NETO2: variants seen among roughly 807,000 people sequenced by gnomAD.
The protein encoded by NETO2 is neuropilin and tolloid-like protein 2.
Under a neutral mutation model 62.5 loss-of-function variants are expected in NETO2, and 28 were observed. That is an observed-to-expected ratio of 0.45 (90% CI 0.33 to 0.61). NETO2 has a LOEUF of 0.61. Among genes scored for constraint, NETO2 ranks in the 20% least tolerant of loss-of-function variants. The probability of loss-of-function intolerance (pLI) is 0.02; values close to 1 mark genes in which losing one functional copy is unlikely to be tolerated. For synonymous variants in NETO2, 214 were observed against 219.1 expected (o/e 0.98, Z 0.21); for missense variants, 548 against 643.2 (o/e 0.85, Z 1.60).
chr16:47,109,415 G>A, intron 7 of NETO2, 68 bp downstream of exon 7: 1 of 1,007,626 alleles, frequency 9.9e-7, no homozygotes, highest in Non-Finnish European at 1.4e-6. Context: ...AAAAGTAAAT[G>A]CTGAGTGTAC....
intron 7 of NETO2, among the ~76,000 whole-genome samples, chr16:47,104,244 C>G (rs1246164823): frequency 1.3e-5 from 2 of 151,748 alleles, no homozygotes; most frequent in African/African-American, 4.8e-5. Flanking sequence ...TGCCAATTAA[C>G]AATTAGAAAA....
intron 1 of NETO2, among the ~76,000 whole-genome samples, chr16:47,138,267 GCA>G (rs1964397993): frequency 6.6e-6 from 1 of 152,148 alleles, no homozygotes; most frequent in African/African-American, 2.4e-5. Context: ...GGGCATGGTG[GCA>G]CACGCCTGTA....
At chr16:47,143,522 G>A in intron 1 of NETO2, 57 bp downstream of exon 1, 2 of 1,217,772 alleles carry the variant, frequency 1.6e-6, no homozygotes, top group Non-Finnish European at 2.0e-6. Flanking sequence ...GGGCAGGGCG[G>A]CGCGCCAGCC....
intron 7 of NETO2, among the ~76,000 whole-genome samples, chr16:47,088,915 C>A (rs1036363000): frequency 1.3e-5 from 2 of 152,160 alleles, no homozygotes; most frequent in Non-Finnish European, 2.9e-5. Flanking sequence ...AAAACATAAT[C>A]TGACAAATGT....
intron 6 of NETO2, among the ~76,000 whole-genome samples, chr16:47,113,127 A>G (rs1963837116): frequency 6.6e-6 from 1 of 152,240 alleles, no homozygotes; most frequent in Non-Finnish European, 1.5e-5. Flanking sequence ...CTTGTGTAGT[A>G]GCATGTGACC....
chr16:47,119,297 G>A (rs1471818578), intron 6 of NETO2, among the ~76,000 whole-genome samples: 7 of 151,550 alleles, frequency 4.6e-5, no homozygotes, highest in East Asian at 1.9e-4. Flanking sequence ...GACTACAGGC[G>A]CCCGCCACCA....
rs74876645 is a variant in NETO2 at position 47,132,741 on chromosome 16, C to A, written c.35-716G>T. Among the ~76,000 whole-genome samples the A allele has an allele frequency of 1.0e-3, 156 of 152,340 alleles. 1 individual carries two copies. The East Asian group carries it at 0.019, about 19-fold the overall frequency. ...AGCCTGTCCCGAACTACTGCGTGAA[C>A]TGGAGTTATTCATTCAGTGAATAGG... is the stretch of plus-strand genomic sequence containing the variant. On this transcript the variant is annotated intron_variant, in intron 1 of 8. Coordinates refer to ENST00000562435, the MANE Select transcript of NETO2 (RefSeq NM_018092.5).
At chr16:47,090,454 T>G (rs1412555880) in intron 7 of NETO2, among the ~76,000 whole-genome samples, 1 of 152,244 alleles carries the variant, frequency 6.6e-6, no homozygotes, top group Non-Finnish European at 1.5e-5. Flanking sequence ...GATTGAACTA[T>G]AAGTCTTTAT....
At chr16:47,139,245 T>A (rs1025944303) in intron 1 of NETO2, among the ~76,000 whole-genome samples, 1 of 152,068 alleles carries the variant, frequency 6.6e-6, no homozygotes, top group Non-Finnish European at 1.5e-5. Context: ...CGCAAACACA[T>A]AGCACAGTAA....
In NETO2 at chr16:47,082,852, G is replaced by C. The variant is rs1963096135; in HGVS notation, c.*369C>G. On this transcript the variant is annotated 3_prime_UTR_variant, in exon 9 of 9. Coordinates refer to ENST00000562435, the MANE Select transcript of NETO2 (RefSeq NM_018092.5). ...TGTAAAGAAAAATCAAGTTTATTGT[G>C]GCATCAAAATATTGACAGAGCTGTT... 1.1e-5 allele frequency: 2 copies of C among 185,630 alleles called. No individual in the cohort carries two copies. Among genetic ancestry groups the C allele is most frequent in the African/African-American group, 4.7e-5 (2 of 42,796 alleles). 11.5% of individuals were successfully genotyped at this position (185,630 alleles called of 1,614,324 possible).
chr16:47,083,231 A>G lies in NETO2; in HGVS notation c.1568T>C (p.Ile523Thr), dbSNP rs762067120. ...REDSAQASIS[I>T]DF ...ACCATTAGCAGAAGATTAGAAGTCA[A>G]TGGATATGGATGCTTGTGCAGAATC... The change falls in exon 9 of 9, where the codon ATT becomes ACT. Residue 523 changes from isoleucine (I) to threonine (T), a missense_variant. By Grantham distance (89) the Ile-to-Thr change is moderately conservative. Coordinates refer to ENST00000562435, the MANE Select transcript of NETO2 (RefSeq NM_018092.5). 1 of 1,608,484 alleles carries G rather than the reference A, an allele frequency of 6.2e-7. No homozygotes were observed. The highest frequency in any genetic ancestry group is 1.1e-5 in the South Asian group (1 of 90,414).
rs1963189700 is a variant in NETO2, at chr16:47,086,347, A to G, written c.884-8T>C. On this transcript the variant is annotated splice_polypyrimidine_tract_variant and splice_region_variant and intron_variant, in intron 7 of 8. Transcript: ENST00000562435. ...TGCTGCTTGTGCAGGGAGCTGCAGG[A>G]AGAGAAAACAGTGTTGCAAAGAGCA... The G allele has an allele frequency of 6.3e-7, 1 of 1,590,468 alleles. No individual in the cohort carries two copies. Among genetic ancestry groups the G allele is most frequent in the Non-Finnish European group, 8.6e-7 (1 of 1,158,892 alleles).
intron 6 of NETO2, among the ~76,000 whole-genome samples, chr16:47,121,283 T>G (rs1964034336): frequency 6.6e-6 from 1 of 152,100 alleles, no homozygotes; most frequent in Non-Finnish European, 1.5e-5. Flanking sequence ...GCTGTGAGCA[T>G]AGGGGTTTTA....
At chr16:47,108,667 T>G (rs968498528) in intron 7 of NETO2, among the ~76,000 whole-genome samples, 11 of 152,180 alleles carry the variant, frequency 7.2e-5, no homozygotes, top group African/African-American at 2.7e-4. Context: ...TGGAGAAGGC[T>G]AAGGATACTT....
chr16:47,123,956 C>CAG (rs1224872187), intron 4 of NETO2, among the ~76,000 whole-genome samples: 1 of 152,196 alleles, frequency 6.6e-6, no homozygotes, highest in Non-Finnish European at 1.5e-5. Flanking sequence ...CTCGGCCTTC[C>CAG]AAAGTGCTGG....
chr16:47,127,184 T>G (rs1964174164), intron 4 of NETO2, among the ~76,000 whole-genome samples: 3 of 152,342 alleles, frequency 2.0e-5, no homozygotes, highest in African/African-American at 7.2e-5. Flanking sequence ...GCAGTTGTCT[T>G]ACTGTTATTT....
At chr16:47,090,927 T>C (rs1024749022) in intron 7 of NETO2, among the ~76,000 whole-genome samples, 9 of 152,214 alleles carry the variant, frequency 5.9e-5, no homozygotes, top group African/African-American at 1.7e-4. Flanking sequence ...GAATCTCTCA[T>C]GCAGAATTAG....
At chr16:47,119,075 G>C (rs571523901) in intron 6 of NETO2, among the ~76,000 whole-genome samples, 1 of 150,652 alleles carries the variant, frequency 6.6e-6, no homozygotes, top group South Asian at 2.1e-4. Flanking sequence ...TACTTGGTTT[G>C]TTTCATAATA....
intron 7 of NETO2, among the ~76,000 whole-genome samples, chr16:47,090,330 C>T (rs527850050): frequency 1.3e-5 from 2 of 152,224 alleles, no homozygotes; most frequent in African/African-American, 2.4e-5. Flanking sequence ...ATAATTACAC[C>T]TACATTAACC....
Sources: gnomAD v4.1 joint callset for allele counts (sites outside exome capture counted in the v4.1 genomes callset) on GRCh38, gnomAD v4.1.1 for gene constraint, MANE v1.5 for transcripts, NCBI Gene and HGNC (gene_info 2026-07-23, HGNC 2026-07-21) for gene names.